The following SLC16A3 variants were observed in gnomAD, a reference collection of about 807,000 sequenced individuals.
The protein encoded by SLC16A3 is monocarboxylate transporter 4.
SLC16A3 carries 22 observed loss-of-function variants against 25.0 expected under a neutral mutation model. The observed-to-expected ratio is 0.88, with a 90% CI of 0.63 to 1.26. The LOEUF (loss-of-function observed/expected upper bound fraction) is 1.26. Ranked by LOEUF, SLC16A3 falls within the 50% of genes most tolerant of loss-of-function variation. The probability of loss-of-function intolerance (pLI) is 0.00; values close to 1 mark genes in which losing one functional copy is unlikely to be tolerated. For missense variants in SLC16A3, 731 were observed against 666.6 expected (o/e 1.10, Z -1.06); for synonymous variants, 390 against 309.2 (o/e 1.26, Z -2.74).
chr17:82,223,487 A>C (rs4261598), upstream of SLC16A3, among the ~76,000 whole-genome samples: 115,641 of 152,016 alleles, frequency 0.76, 44,643 homozygotes, highest in East Asian at 0.93. Context: ...CTGCGCCTGG[A>C]CTATTTATTT....
chr17:82,237,159 T>G lies in SLC16A3; in HGVS notation c.389T>G (p.Phe130Cys), dbSNP rs1421356597. 2 of 1,511,654 alleles carry G rather than the reference T, an allele frequency of 1.3e-6. No homozygotes were observed. The highest frequency in any genetic ancestry group is 1.8e-6 in the Non-Finnish European group (2 of 1,129,044). The allele number at this position is 1,511,654 out of a possible 1,614,324, so 93.6% of individuals were successfully genotyped here. ...CCAGGGTTGGGTTTGGCACTCAACT[T>G]CCAGCCCTCGCTCATCATGCTGAAC... ...VITGLGLALN[F>C]QPSLIMLNRY... The change falls in exon 4 of 5, where the codon TTC becomes TGC. Residue 130 changes from phenylalanine to cysteine, a missense_variant. Coordinates refer to ENST00000582743, the MANE Select transcript of SLC16A3 (RefSeq NM_004207.4).
chr17:82,229,222 C>G (rs1417287079), intron 1 of SLC16A3, 116 bp downstream of exon 1: 1 of 152,010 alleles, frequency 6.6e-6, no homozygotes, highest in Non-Finnish European at 1.5e-5. Context: ...CTTTGTCCAT[C>G]AGGTCCGGGG....
intron 1 of SLC16A3, among the ~76,000 whole-genome samples, chr17:82,222,161 C>T (rs2050392917): frequency 7.3e-6 from 1 of 136,286 alleles, no homozygotes; most frequent in Non-Finnish European, 1.6e-5. Flanking sequence ...TGGAGAGGAG[C>T]GTCGCCCTGG....
intron 1 of SLC16A3, 50 bp from the exon 2 acceptor site, chr17:82,235,933 A>T (rs2050588534): frequency 7.7e-7 from 1 of 1,295,548 alleles, no homozygotes; most frequent in Non-Finnish European, 1.1e-6. Context: ...GCCAGGCTGC[A>T]GCTGGGATGG....
At chr17:82,236,589 G>T in intron 2 of SLC16A3, 140 bp from the exon 3 acceptor site, 1 of 1,272,320 alleles carries the variant, frequency 7.9e-7, no homozygotes, top group African/African-American at 1.5e-5. Flanking sequence ...CGGGGAGCCT[G>T]CCCACGGGGT....
intron 1 of SLC16A3, among the ~76,000 whole-genome samples, chr17:82,221,082 G>A (rs2050386597): frequency 1.3e-5 from 2 of 151,998 alleles, no homozygotes; most frequent in Admixed American, 1.3e-4. Context: ...ACCTCCCAAA[G>A]TGCTGGGATT....
upstream of SLC16A3, among the ~76,000 whole-genome samples, chr17:82,228,763 G>A (rs1568532269): frequency 6.6e-6 from 1 of 151,978 alleles, no homozygotes; most frequent in African/African-American, 2.4e-5. Flanking sequence ...CCTGGACTCC[G>A]GGGGAGGCGA....
chr17:82,236,784 G>A lies in SLC16A3; in HGVS notation c.279G>A (p.Val93=). The change falls in exon 3 of 5, where the codon GTG becomes GTA. Residue 93 remains valine (V), a synonymous_variant. Transcript: ENST00000582743. ...NRFGCRPVML[V]GGLFASLGMV... ...TTGGCTGCCGGCCCGTCATGCTTGT[G>A]GGGGGTCTCTTTGCGTCGCTGGGCA... The A allele has an allele frequency of 1.2e-6, 2 of 1,608,976 alleles. No individual in the cohort carries two copies. Among genetic ancestry groups the A allele is most frequent in the South Asian group, 1.1e-5 (1 of 91,084 alleles).
Position 82,237,654 on chromosome 17 carries a change from T to C in SLC16A3, c.884T>C (p.Val295Ala). 2 of 1,612,930 alleles carry C rather than the reference T, an allele frequency of 1.2e-6. No individual in the cohort carries two copies. The highest frequency in any genetic ancestry group is 1.7e-6 in the Non-Finnish European group (2 of 1,179,902). The change falls in exon 4 of 5, where the codon GTC becomes GCC. Residue 295 changes from valine (V) to alanine (A), a missense_variant. Physicochemically the swap from Val to Ala is moderately conservative, Grantham distance 64. Transcript: ENST00000582743. The stretch of plus-strand genomic sequence containing the variant: ...CTTGGGAAGGTGCGGCCCTACTCCG[T>C]CTACCTCTTCAGCTTCTCCATGTTC... ...AGLGKVRPYS[V>A]YLFSFSMFFN...
Position 82,237,711 on chromosome 17 carries a change from C to A in SLC16A3, c.941C>A (p.Thr314Lys). The part of the protein sequence containing the change: ...FNGLADLAGS[T>K]AGDYGGLVVF... Reference sequence around the variant, plus strand: ...GGCCTCGCGGACCTGGCGGGTTCTACGGCGGGCGACTACGGCGGCCTCGTG... The same window carrying A: ...GGCCTCGCGGACCTGGCGGGTTCTAAGGCGGGCGACTACGGCGGCCTCGTG... The change falls in exon 4 of 5, where the codon ACG (threonine) becomes AAG (lysine). Residue 314 changes from threonine to lysine, a missense_variant. By Grantham distance (78) the Thr-to-Lys change is moderately conservative. Transcript: ENST00000582743. 6.2e-7 allele frequency: 1 copy of A among 1,612,078 alleles called. No individual in the cohort carries two copies. The highest frequency in any genetic ancestry group is 8.5e-7 in the Non-Finnish European group (1 of 1,179,590).
rs28571991 is a variant in SLC16A3 at position 82,238,132 on chromosome 17, C to T, written c.1123+239C>T. ...AGGCAGGGTGGCTAGGGGCTGGGCCCGGGGGGGGGCAGCTCCTCCAGGCTC... is the reference window on the plus strand; with the variant it reads ...AGGCAGGGTGGCTAGGGGCTGGGCCTGGGGGGGGGCAGCTCCTCCAGGCTC... On this transcript the variant is annotated intron_variant, in intron 4 of 4. Transcript: ENST00000582743. Among the ~76,000 whole-genome samples, 631 of 150,332 alleles carry T rather than the reference C, an allele frequency of 4.2e-3. 3 individuals are homozygous for T. Among genetic ancestry groups the T allele is most frequent in the Non-Finnish European group, 6.9e-3 (465 of 67,382 alleles).
chr17:82,230,460 G>C (rs2050475574), intron 1 of SLC16A3: 1 of 152,380 alleles, frequency 6.6e-6, no homozygotes, highest in African/African-American at 2.4e-5. Context: ...CATGTGGCCT[G>C]CACGATCAGG....
intron 1 of SLC16A3, chr17:82,233,939 C>T (rs1041299976): frequency 6.6e-5 from 10 of 152,158 alleles, no homozygotes; most frequent in Admixed American, 3.9e-4. Flanking sequence ...CTCCTGGGTT[C>T]ACGCCATTCT....
intron 4 of SLC16A3, 28 bp from the exon 5 acceptor site, chr17:82,238,674 G>T (rs372600974): frequency 1.3e-6 from 2 of 1,591,706 alleles, no homozygotes; most frequent in Non-Finnish European, 1.7e-6. Flanking sequence ...CCGCATGAGC[G>T]GCTGGGACTG....
At chr17:82,226,735 A>G (rs750684360), upstream of SLC16A3, among the ~76,000 whole-genome samples, 5 of 152,062 alleles carry the variant, frequency 3.3e-5, no homozygotes, top group Non-Finnish European at 7.4e-5. Flanking sequence ...CTTGGAGGTC[A>G]GGGGTACCTC....
chr17:82,236,543 A>G, intron 2 of SLC16A3, 186 bp from the exon 3 acceptor site: 1 of 777,738 alleles, frequency 1.3e-6, no homozygotes, highest in South Asian at 1.8e-5. Context: ...CAAGGGGCCC[A>G]GCAGGCGGCG....
chr17:82,232,085 T>A (rs942611926), intron 1 of SLC16A3: 39 of 152,228 alleles, frequency 2.6e-4, no homozygotes, highest in African/African-American at 9.2e-4. Context: ...TCGGCACCCC[T>A]CGGCAGCCAG....
intron 2 of SLC16A3, 144 bp downstream of exon 2, chr17:82,236,375 T>C: frequency 1.3e-6 from 1 of 793,190 alleles, no homozygotes; most frequent in Non-Finnish European, 2.0e-6. Context: ...AGGATCCTGC[T>C]GGGCAGCAAC....
chr17:82,226,732 G>A (rs2050424336), upstream of SLC16A3, among the ~76,000 whole-genome samples: 1 of 152,116 alleles, frequency 6.6e-6, no homozygotes, highest in Admixed American at 6.5e-5. Context: ...GCACTTGGAG[G>A]TCAGGGGTAC....
Sources: allele counts gnomAD v4.1 joint callset (sites outside exome capture counted in the v4.1 genomes callset), GRCh38; gene constraint gnomAD v4.1.1; transcripts MANE v1.5; gene names NCBI Gene and HGNC (gene_info 2026-07-23, HGNC 2026-07-21).